KCNU1: variants seen among roughly 807,000 people sequenced by gnomAD.
The protein encoded by KCNU1 is potassium channel subfamily U member 1.
KCNU1 carries 93 observed loss-of-function variants against 126.8 expected under a neutral mutation model. That is an observed-to-expected ratio of 0.73 (90% CI 0.62 to 0.87). The LOEUF (loss-of-function observed/expected upper bound fraction) is 0.87, where lower values mean the gene tolerates loss of function less well. Among genes scored for constraint, KCNU1 ranks in the 40% least tolerant of loss-of-function variants. The pLI, the probability that KCNU1 is intolerant of heterozygous loss-of-function variation, is 0.00. For synonymous variants in KCNU1, 523 were observed against 494.2 expected (o/e 1.06, Z -0.77); for missense variants, 1,330 against 1,367.1 (o/e 0.97, Z 0.43).
Position 36,864,453 on chromosome 8 carries a change from T to C in KCNU1, c.1941T>C (p.Arg647=). 2 of 1,613,092 alleles carry C rather than the reference T, an allele frequency of 1.2e-6. No homozygotes were observed. The highest frequency in any genetic ancestry group is 1.7e-4 in the Middle Eastern group (1 of 6,058). ...AATGTCTGAAGGGAATCTCCTCTCGTATATCAGGGCAGGATTCTCCGCCAA... is the reference window on the plus strand; with the variant it reads ...AATGTCTGAAGGGAATCTCCTCTCGCATATCAGGGCAGGATTCTCCGCCAA... ...MKKCLKGISS[R]ISGQDSPPRV... The change falls in exon 19 of 27, where the codon CGT becomes CGC. Residue 647 remains arginine (R), a synonymous_variant. Transcript: ENST00000399881.
rs768610071 is a variant in KCNU1 at position 36,909,491 on chromosome 8, G to A, written c.2287G>A (p.Glu763Lys). 1 of 1,612,640 alleles carries A rather than the reference G, an allele frequency of 6.2e-7. No homozygotes were observed. Among genetic ancestry groups the A allele is most frequent in the Non-Finnish European group, 8.5e-7 (1 of 1,178,756 alleles). Reference protein sequence around the residue: ...FIGSLDYLQREWRFLWNFPQI... With the variant: ...FIGSLDYLQRKWRFLWNFPQI... ...TGGGTCTCTGGACTATCTACAGAGAGAATGGCGATTTCTCTGGAATTTTCC... is the reference window on the plus strand; with the variant it reads ...TGGGTCTCTGGACTATCTACAGAGAAAATGGCGATTTCTCTGGAATTTTCC... The change falls in exon 21 of 27, where the codon GAA becomes AAA. Residue 763 changes from glutamate (E) to lysine (K), a missense_variant. Transcript: ENST00000399881.
At chr8:36,881,705 T>G (rs1422862554) in intron 19 of KCNU1, among the ~76,000 whole-genome samples, 2 of 151,968 alleles carry the variant, frequency 1.3e-5, no homozygotes, top group Non-Finnish European at 2.9e-5. Flanking sequence ...TCTTGAGAAT[T>G]TGAGTGAGTC....
At chr8:36,842,341 C>G (rs1409070636) in intron 16 of KCNU1, among the ~76,000 whole-genome samples, 2 of 152,118 alleles carry the variant, frequency 1.3e-5, no homozygotes, top group Non-Finnish European at 2.9e-5. Context: ...TCTGAGTTGA[C>G]AGGATATAGA....
At chr8:36,785,835 C>A (rs905283383) in intron 1 of KCNU1, among the ~76,000 whole-genome samples, 12 of 152,130 alleles carry the variant, frequency 7.9e-5, no homozygotes, top group Non-Finnish European at 1.5e-4. Flanking sequence ...AAAAATGTGA[C>A]AGTACATTTG....
chr8:36,884,892 T>C (rs1398389820), intron 19 of KCNU1, among the ~76,000 whole-genome samples: 1 of 152,186 alleles, frequency 6.6e-6, no homozygotes, highest in African/African-American at 2.4e-5. Flanking sequence ...TGTAAAGATC[T>C]TTGAAGTCAT....
chr8:36,837,182 A>T (rs1361397196), intron 14 of KCNU1, among the ~76,000 whole-genome samples: 1 of 152,120 alleles, frequency 6.6e-6, no homozygotes, highest in African/African-American at 2.4e-5. Context: ...AAAACAGAAA[A>T]AATATAACTC....
intron 4 of KCNU1, among the ~76,000 whole-genome samples, chr8:36,805,564 T>C (rs1803468406): frequency 6.6e-6 from 1 of 152,168 alleles, no homozygotes; most frequent in African/African-American, 2.4e-5. Flanking sequence ...TTCCCATCTT[T>C]ACTAATAATG....
chr8:36,864,247 A>T (rs1805823286), intron 18 of KCNU1, among the ~76,000 whole-genome samples, 157 bp from the exon 19 acceptor site: 2 of 152,130 alleles, frequency 1.3e-5, no homozygotes, highest in African/African-American at 4.8e-5. Flanking sequence ...GAAAGCAAAG[A>T]GTTTGCTACA....
intron 12 of KCNU1, among the ~76,000 whole-genome samples, chr8:36,835,499 G>A (rs1231386719): frequency 6.6e-6 from 1 of 151,852 alleles, no homozygotes; most frequent in African/African-American, 2.4e-5. Flanking sequence ...GTGCCACCAC[G>A]CCAGACTAAT....
chr8:36,786,850 C>A (rs1466114425), intron 1 of KCNU1, among the ~76,000 whole-genome samples: 1 of 152,238 alleles, frequency 6.6e-6, no homozygotes, highest in Non-Finnish European at 1.5e-5. Context: ...CTAAGAGCAA[C>A]ACAAAATTGC....
rs545373155 is a variant in KCNU1, at chr8:36,867,286, C to G, written c.2009+2765C>G. Among the ~76,000 whole-genome samples, 3 of 152,084 alleles carry G rather than the reference C, an allele frequency of 2.0e-5. No individual in the cohort carries two copies. In the East Asian group the frequency reaches 5.8e-4, roughly 29 times the overall value. On this transcript the variant is annotated intron_variant, in intron 19 of 26. Coordinates refer to ENST00000399881, the MANE Select transcript of KCNU1 (RefSeq NM_001031836.3). The stretch of plus-strand genomic sequence containing the variant: ...GGGTGGGATTTAGAAAGGTGGGAGA[C>G]AGTGGGAATCTCAACTTCTGTGAAT...
chr8:36,890,622 A>G (rs542029970), intron 19 of KCNU1, among the ~76,000 whole-genome samples: 2 of 152,204 alleles, frequency 1.3e-5, no homozygotes, highest in South Asian at 2.1e-4. Flanking sequence ...GAAAACAGTT[A>G]CAAATGTGGT....
At chr8:36,923,461 G>A (rs1325637912) in intron 24 of KCNU1, among the ~76,000 whole-genome samples, 1 of 152,184 alleles carries the variant, frequency 6.6e-6, no homozygotes, top group East Asian at 1.9e-4. Flanking sequence ...ATGTTGAGAA[G>A]GCAGCATGTG....
At chr8:36,801,204 C>G (rs1324374366) in intron 2 of KCNU1, among the ~76,000 whole-genome samples, 2 of 152,138 alleles carry the variant, frequency 1.3e-5, no homozygotes, top group Non-Finnish European at 2.9e-5. Flanking sequence ...CAGATGCCTG[C>G]TTTAGATAAT....
At chr8:36,887,005 C>G (rs931221455) in intron 19 of KCNU1, among the ~76,000 whole-genome samples, 3 of 151,992 alleles carry the variant, frequency 2.0e-5, no homozygotes, top group African/African-American at 4.8e-5. Context: ...GTGTAGTATT[C>G]CATGGTGTAT....
At position 36,879,211 on chromosome 8, in the gene KCNU1, G is replaced by GTATATATA. The variant is rs34121138; in HGVS notation, c.2009+14711_2009+14718dup. Reference sequence around the variant, plus strand: ...TATGTATGTGTGTGTGTGTGTGTGTGTATATATATATATATATATATATAT... The same window carrying GTATATATA: ...TATGTATGTGTGTGTGTGTGTGTGTGTATATATATATATATATATATATATATATATAT... On this transcript the variant is annotated intron_variant, in intron 19 of 26. Transcript: ENST00000399881. Among the ~76,000 whole-genome samples, 482 of 101,720 alleles carry GTATATATA rather than the reference G, an allele frequency of 4.7e-3. 4 individuals are homozygous for GTATATATA. The highest frequency in any genetic ancestry group is 0.02 in the East Asian group (68 of 3,334). The allele number at this position is 101,720 out of a possible 152,430, so 66.7% of individuals were successfully genotyped here.
intron 2 of KCNU1, among the ~76,000 whole-genome samples, chr8:36,800,757 C>T (rs1803274028): frequency 6.6e-6 from 1 of 152,210 alleles, no homozygotes; most frequent in Non-Finnish European, 1.5e-5. Flanking sequence ...CAGTCAGAGC[C>T]CTGGCATCAG....
intron 19 of KCNU1, among the ~76,000 whole-genome samples, chr8:36,904,810 C>T (rs779944959): frequency 2.6e-5 from 4 of 152,044 alleles, no homozygotes; most frequent in African/African-American, 7.2e-5. Flanking sequence ...CCCCAGGCTC[C>T]GGATGGCTGT....
intron 19 of KCNU1, among the ~76,000 whole-genome samples, chr8:36,877,148 G>C (rs541806711): frequency 6.6e-6 from 1 of 152,212 alleles, no homozygotes; most frequent in Admixed American, 6.5e-5. Flanking sequence ...ACCCAGCAGG[G>C]GCTGCAGATT....
Sources: allele counts gnomAD v4.1 joint callset (sites outside exome capture counted in the v4.1 genomes callset), GRCh38; gene constraint gnomAD v4.1.1; transcripts MANE v1.5; gene names NCBI Gene and HGNC (gene_info 2026-07-23, HGNC 2026-07-21).